Variants in NTRK2 observed in about 807,000 individuals in gnomAD.
NTRK2 encodes BDNF/NT-3 growth factors receptor.
A neutral mutation model predicts 94.5 loss-of-function variants in NTRK2; 13 were observed. That is an observed-to-expected ratio of 0.14 (90% confidence interval 0.09 to 0.22). The LOEUF (loss-of-function observed/expected upper bound fraction) is 0.22, where lower values mean the gene tolerates loss of function less well. Ranked by LOEUF, NTRK2 falls within the 10% of genes least tolerant of loss-of-function variation. The pLI is 1.00. For synonymous variants in NTRK2, 372 were observed against 407.4 expected (o/e 0.91, Z 1.05); for missense variants, 639 against 1,071.2 (o/e 0.60, Z 5.63).
At chr9:84,797,802 T>C (rs1169600755) in intron 12 of NTRK2, among the ~76,000 whole-genome samples, 2 of 68,132 alleles carry the variant, frequency 2.9e-5, no homozygotes, top group Non-Finnish European at 2.7e-5. Flanking sequence ...ACTATAATAA[T>C]ATATATATTA....
intron 12 of NTRK2, chr9:84,815,158 C>T (rs201925602): frequency 8.5e-5 from 90 of 1,056,820 alleles, no homozygotes; most frequent in Non-Finnish European, 9.6e-5. Flanking sequence ...GACAAAAGAA[C>T]GTCCCAGCCA....
At chr9:84,998,346 C>T (rs78057146) in intron 17 of NTRK2, among the ~76,000 whole-genome samples, 4,387 of 152,238 alleles carry the variant, frequency 0.029, 153 homozygotes, top group African/African-American at 0.075. Context: ...GTCTCAGAGA[C>T]CAGCTTTGCC....
At chr9:84,815,865 T>C (rs1229660317) in intron 12 of NTRK2, among the ~76,000 whole-genome samples, 1 of 152,078 alleles carries the variant, frequency 6.6e-6, no homozygotes, top group Non-Finnish European at 1.5e-5. Flanking sequence ...CCAGGCCCAT[T>C]TCAGATTCTG....
chr9:84,926,169 CCTTTCTTT>C (rs869183621), intron 14 of NTRK2, among the ~76,000 whole-genome samples: 1,047 of 38,242 alleles, frequency 0.027, 39 homozygotes, highest in South Asian at 0.033. Context: ...TTCCTTCCTT[CCTTTCTTT>C]CTTTCTTTCT....
In NTRK2 at chr9:84,969,008, GT is replaced by G. The variant is rs1825884431; in HGVS notation, c.2172+13495del. ...TATGATACATTGACGTCACATTTTC[GT>G]TTTCTTCATGTCTCCTGAATTAATA... On this transcript the variant is annotated intron_variant, in intron 17 of 18. Transcript: ENST00000277120. Among the ~76,000 whole-genome samples the G allele has an allele frequency of 2.0e-5, 3 of 152,222 alleles. 1 individual carries two copies. In the South Asian group the frequency reaches 6.2e-4, roughly 32 times the overall value.
chr9:84,784,174 T>C (rs978068724), intron 12 of NTRK2, among the ~76,000 whole-genome samples: 2 of 152,168 alleles, frequency 1.3e-5, no homozygotes, highest in African/African-American at 4.8e-5. Context: ...CGGTTACTAG[T>C]TGTATGACCT....
At chr9:84,706,611 G>A (rs1421946153) in intron 4 of NTRK2, among the ~76,000 whole-genome samples, 2 of 136,634 alleles carry the variant, frequency 1.5e-5, no homozygotes, top group African/African-American at 5.4e-5. Context: ...CTCACTGCAA[G>A]CTCTGCCTCC....
chr9:84,923,920 AAAAC>A (rs911650321), intron 14 of NTRK2, among the ~76,000 whole-genome samples: 33 of 152,046 alleles, frequency 2.2e-4, no homozygotes, highest in Middle Eastern at 6.8e-3. Flanking sequence ...AAAAACAACA[AAAAC>A]AAACAAACAA....
At chr9:85,011,555 G>A (rs76381556) in intron 17 of NTRK2, among the ~76,000 whole-genome samples, 2,645 of 152,238 alleles carry the variant, frequency 0.017, 66 homozygotes, top group African/African-American at 0.06. Context: ...GCTCTCGCTC[G>A]CTGTGACTTC....
chr9:84,965,572 G>T (rs149560820), intron 17 of NTRK2, among the ~76,000 whole-genome samples: 2 of 152,264 alleles, frequency 1.3e-5, no homozygotes, highest in East Asian at 3.9e-4. Context: ...GCCTGTGATG[G>T]ATGTTATAAA....
At chr9:84,915,305 C>T (rs571783611) in intron 14 of NTRK2, among the ~76,000 whole-genome samples, 18 of 152,274 alleles carry the variant, frequency 1.2e-4, no homozygotes, top group African/African-American at 3.4e-4. Flanking sequence ...AAAATGTGAT[C>T]CCCAGTGTTG....
At chr9:84,804,921 T>G (rs1025291659) in intron 12 of NTRK2, among the ~76,000 whole-genome samples, 2 of 152,236 alleles carry the variant, frequency 1.3e-5, no homozygotes, top group Admixed American at 1.3e-4. Flanking sequence ...GTGGTAGTAG[T>G]AAAGCCTTTT....
chr9:84,853,586 T>C (rs1587684680), intron 12 of NTRK2, among the ~76,000 whole-genome samples: 1 of 152,374 alleles, frequency 6.6e-6, no homozygotes, highest in East Asian at 1.9e-4. Flanking sequence ...ATTGTTACGC[T>C]TTTTCAAAAT....
intron 16 of NTRK2, among the ~76,000 whole-genome samples, chr9:84,951,028 T>C (rs1423798410): frequency 6.6e-6 from 1 of 152,190 alleles, no homozygotes; most frequent in Non-Finnish European, 1.5e-5. Context: ...GCAGTTTAAG[T>C]AATCAGTCAA....
At chr9:84,896,472 C>G (rs113480734) in intron 14 of NTRK2, among the ~76,000 whole-genome samples, 9 of 152,124 alleles carry the variant, frequency 5.9e-5, no homozygotes, top group Admixed American at 1.3e-4. Flanking sequence ...CTTGTGAAAC[C>G]CACAGATTGG....
chr9:84,729,503 G>A (rs1032639080), intron 9 of NTRK2, among the ~76,000 whole-genome samples: 1 of 152,148 alleles, frequency 6.6e-6, no homozygotes, highest in Non-Finnish European at 1.5e-5. Context: ...CACTGATTTA[G>A]GACAGTAGCT....
chr9:84,876,718 T>C, intron 14 of NTRK2: 1 of 1,061,000 alleles, frequency 9.4e-7, no homozygotes, highest in Non-Finnish European at 1.1e-6. Context: ...TCTTCCTAGT[T>C]CCTAATTTCA....
intron 2 of NTRK2, among the ~76,000 whole-genome samples, chr9:84,681,473 G>T (rs1169121817): frequency 6.6e-6 from 1 of 152,060 alleles, no homozygotes; most frequent in Non-Finnish European, 1.5e-5. Context: ...ATTGATTGGG[G>T]TCTTCTCTAT....
At chr9:84,707,980 T>C in intron 5 of NTRK2, 68 bp downstream of exon 5, 1 of 1,229,338 alleles carries the variant, frequency 8.1e-7, no homozygotes, top group East Asian at 2.3e-5. Flanking sequence ...AGTATTTTTC[T>C]TTTAATGAGT....
Sources: allele counts gnomAD v4.1 joint callset (sites outside exome capture counted in the v4.1 genomes callset), GRCh38; gene constraint gnomAD v4.1.1; transcripts MANE v1.5; gene names NCBI Gene and HGNC (gene_info 2026-07-23, HGNC 2026-07-21).